Variants in NRXN1 observed in about 807,000 individuals in gnomAD.
NRXN1 encodes the protein neurexin-1.
Under a neutral mutation model 150.9 loss-of-function variants are expected in NRXN1, and 39 were observed. The ratio of observed to expected loss-of-function variants is 0.26; its 90% CI spans 0.20 to 0.34. NRXN1 has a LOEUF of 0.34. Among genes scored for constraint, NRXN1 ranks in the 10% least tolerant of loss-of-function variants. NRXN1 has a pLI of 1.00. For synonymous variants in NRXN1, 924 were observed against 757.0 expected, an observed-to-expected ratio of 1.22 and a Z score of -3.62; for missense variants, 1,815 against 1,949.9, an observed-to-expected ratio of 0.93 and a Z score of 1.30.
chr2:50,589,066 A>G (rs1225362067), intron 8 of NRXN1: 5 of 152,324 alleles, frequency 3.3e-5, no homozygotes, highest in East Asian at 1.9e-4. Flanking sequence ...CTTTGGGGTG[A>G]CCGAAGAATC....
At chr2:50,175,844 T>C (rs982983223) in intron 18 of NRXN1, among the ~76,000 whole-genome samples, 3 of 152,188 alleles carry the variant, frequency 2.0e-5, no homozygotes, top group African/African-American at 7.2e-5. Flanking sequence ...TCACTTTACT[T>C]CTGATTTTCT....
intron 5 of NRXN1, among the ~76,000 whole-genome samples, chr2:50,751,177 C>A (rs1700552923): frequency 6.6e-6 from 1 of 151,922 alleles, no homozygotes; most frequent in Non-Finnish European, 1.5e-5. Context: ...TTGGATTTAA[C>A]ACTTTCTGTG....
intron 5 of NRXN1, among the ~76,000 whole-genome samples, chr2:50,642,915 GATAT>G (rs1232353116): frequency 6.6e-6 from 1 of 151,872 alleles, no homozygotes; most frequent in Non-Finnish European, 1.5e-5. Context: ...TGTCAAAGAG[GATAT>G]TGGTTCACTC....
At chr2:50,013,369 C>A (rs975441124) in intron 21 of NRXN1, among the ~76,000 whole-genome samples, 1 of 148,126 alleles carries the variant, frequency 6.8e-6, no homozygotes, top group Non-Finnish European at 1.5e-5. Context: ...ATTTTACTGG[C>A]TTCGTAAACT....
At chr2:50,530,518 T>C (rs1553749244) in intron 11 of NRXN1, among the ~76,000 whole-genome samples, 1 of 152,178 alleles carries the variant, frequency 6.6e-6, no homozygotes, top group Non-Finnish European at 1.5e-5. Context: ...GCCTGGTTTT[T>C]CCCCATAATT....
chr2:50,217,863 G>T (rs1047440150), intron 18 of NRXN1, among the ~76,000 whole-genome samples: 30 of 152,006 alleles, frequency 2.0e-4, no homozygotes, highest in Non-Finnish European at 3.1e-4. Context: ...AACTAGATAA[G>T]ATATTTCCCA....
intron 21 of NRXN1, among the ~76,000 whole-genome samples, chr2:49,994,304 A>C: frequency 6.6e-6 from 1 of 152,218 alleles, no homozygotes; most frequent in Non-Finnish European, 1.5e-5. Flanking sequence ...AAATAGGTGT[A>C]GAATATAAGC....
intron 18 of NRXN1, among the ~76,000 whole-genome samples, chr2:50,180,460 T>A (rs1574352552): frequency 6.6e-6 from 1 of 152,170 alleles, no homozygotes; most frequent in South Asian, 2.1e-4. Context: ...GTGTGTTGGA[T>A]ACTTAATCCC....
chr2:50,320,882 T>A (rs1016288528), intron 17 of NRXN1, among the ~76,000 whole-genome samples: 2 of 152,148 alleles, frequency 1.3e-5, no homozygotes, highest in African/African-American at 4.8e-5. Flanking sequence ...CAGCAATGGT[T>A]TGTACTCTTC....
chr2:50,271,538 T>C lies in NRXN1; in HGVS notation c.3365-34568A>G, dbSNP rs559748283. ...AAAATGGTGCTTTCTGTCTAAACCA[T>C]CAAGGTGTTAAAACATATTAGGACA... On this transcript the variant is annotated intron_variant, in intron 17 of 22. Coordinates refer to ENST00000401669, the MANE Select transcript of NRXN1 (RefSeq NM_001330078.2). Among the ~76,000 whole-genome samples the C allele has an allele frequency of 5.9e-5, 9 of 152,256 alleles. No homozygotes were observed. In the East Asian group the frequency reaches 1.5e-3, roughly 26 times the overall value.
At chr2:50,252,233 C>CTTTTTTTTTTT (rs55993018) in intron 17 of NRXN1, among the ~76,000 whole-genome samples, 42 of 94,884 alleles carry the variant, frequency 4.4e-4, no homozygotes, top group Non-Finnish European at 5.2e-4. Context: ...ACATTTTGTC[C>CTTTTTTTTTTT]TTTTTTTTTT....
intron 19 of NRXN1, among the ~76,000 whole-genome samples, chr2:50,069,729 T>C (rs1173575557): frequency 6.6e-6 from 1 of 152,182 alleles, no homozygotes; most frequent in Non-Finnish European, 1.5e-5. Flanking sequence ...ACCCACCTCT[T>C]ATCACTGAGA....
chr2:50,635,306 C>T (rs538892047), intron 5 of NRXN1, among the ~76,000 whole-genome samples: 2 of 151,336 alleles, frequency 1.3e-5, no homozygotes, highest in South Asian at 2.1e-4. Flanking sequence ...TACAGGTGCC[C>T]GCCACCATGC....
At chr2:50,462,958 C>T (rs2088396079) in intron 17 of NRXN1, among the ~76,000 whole-genome samples, 1 of 151,686 alleles carries the variant, frequency 6.6e-6, no homozygotes, top group African/African-American at 2.4e-5. Flanking sequence ...GTTCGTTTCC[C>T]CATTAAAAAG....
intron 8 of NRXN1, chr2:50,588,755 C>T (rs1673586817): frequency 6.6e-6 from 1 of 152,036 alleles, no homozygotes; most frequent in South Asian, 2.1e-4. Context: ...GAAGATGAAC[C>T]CTACGGCTCA....
intron 5 of NRXN1, among the ~76,000 whole-genome samples, chr2:50,683,646 A>AAAAAATATATATATATATATAT: frequency 6.7e-5 from 1 of 14,902 alleles, no homozygotes. Flanking sequence ...AAAAAAAAAA[A>AAAAAATATATATATATATATAT]ATATATATAT....
intron 17 of NRXN1, among the ~76,000 whole-genome samples, chr2:50,358,880 G>A (rs756821392): frequency 5.3e-5 from 8 of 152,234 alleles, no homozygotes; most frequent in African/African-American, 1.7e-4. Flanking sequence ...GCTTCCAGAG[G>A]TGGAAGCAAG....
chr2:50,962,025 G>A (rs1429256468), intron 2 of NRXN1, among the ~76,000 whole-genome samples: 1 of 151,444 alleles, frequency 6.6e-6, no homozygotes, highest in Non-Finnish European at 1.5e-5. Flanking sequence ...GAAATCTCAA[G>A]CATTTGCAGA....
At chr2:50,809,867 C>T (rs924901102) in intron 5 of NRXN1, among the ~76,000 whole-genome samples, 1 of 152,150 alleles carries the variant, frequency 6.6e-6, no homozygotes, top group African/African-American at 2.4e-5. Flanking sequence ...AAATCATCTA[C>T]TAAATTCTGT....
Sources: allele counts gnomAD v4.1 joint callset (sites outside exome capture counted in the v4.1 genomes callset), GRCh38; gene constraint gnomAD v4.1.1; transcripts MANE v1.5; gene names NCBI Gene and HGNC (gene_info 2026-07-23, HGNC 2026-07-21).